PLCB1: variants seen among roughly 807,000 people sequenced by gnomAD.
PLCB1 encodes the protein phospholipase C beta 1.
In PLCB1, 46 loss-of-function variants were observed where a neutral mutation model predicts 161.8. That is an observed-to-expected ratio of 0.28 (90% CI 0.22 to 0.36). The LOEUF (loss-of-function observed/expected upper bound fraction) is 0.36. PLCB1 is among the 10% of genes least tolerant of loss of function. PLCB1 has a pLI of 1.00. For missense variants in PLCB1, 1,016 were observed against 1,472.5 expected, an observed-to-expected ratio of 0.69 and a Z score of 5.07; for synonymous variants, 517 against 503.7, an observed-to-expected ratio of 1.03 and a Z score of -0.35.
At chr20:8,792,850 A>AC in intron 31 of PLCB1, 1 of 339,574 alleles carries the variant, frequency 2.9e-6, no homozygotes, top group South Asian at 2.5e-5. Flanking sequence ...GCAGCAATAG[A>AC]CAGTAGAGTA....
At chr20:8,175,794 C>G (rs2123077564) in intron 2 of PLCB1, among the ~76,000 whole-genome samples, 1 of 151,896 alleles carries the variant, frequency 6.6e-6, no homozygotes, top group African/African-American at 2.4e-5. Context: ...CATAAAGGAC[C>G]TTCAAATTCA....
intron 2 of PLCB1, among the ~76,000 whole-genome samples, chr20:8,278,879 A>T (rs1035670631): frequency 6.6e-6 from 1 of 152,090 alleles, no homozygotes; most frequent in African/African-American, 2.4e-5. Flanking sequence ...CAGGCATAAG[A>T]ATGCTCTTCT....
chr20:8,198,971 C>T (rs560046471), intron 2 of PLCB1, among the ~76,000 whole-genome samples: 3 of 151,966 alleles, frequency 2.0e-5, no homozygotes, highest in South Asian at 2.1e-4. Context: ...CACACACACA[C>T]GGACCCATTA....
At chr20:8,572,260 A>G (rs1986546826) in intron 3 of PLCB1, among the ~76,000 whole-genome samples, 1 of 152,188 alleles carries the variant, frequency 6.6e-6, no homozygotes, top group South Asian at 2.1e-4. Flanking sequence ...TTCTTGATAC[A>G]TGAACACCCT....
At chr20:8,783,401 T>C (rs1432162945) in intron 27 of PLCB1, among the ~76,000 whole-genome samples, 3 of 152,246 alleles carry the variant, frequency 2.0e-5, no homozygotes, top group Non-Finnish European at 1.5e-5. Flanking sequence ...CTTGCCTTTA[T>C]GTTAGTCACA....
chr20:8,154,916 A>C (rs1041651220), intron 2 of PLCB1, among the ~76,000 whole-genome samples: 6 of 152,170 alleles, frequency 3.9e-5, no homozygotes, highest in African/African-American at 1.4e-4. Flanking sequence ...TTAAGTTTTC[A>C]TGTAGTTACA....
Position 8,862,066 on chromosome 20 carries a change from A to G in PLCB1, c.3424-19556A>G, listed in dbSNP as rs552760959. Among the ~76,000 whole-genome samples, 65 of 152,348 alleles carry G rather than the reference A, an allele frequency of 4.3e-4. 1 individual carries two copies. Among genetic ancestry groups the G allele is most frequent in the African/African-American group, 1.5e-3 (62 of 41,590 alleles). On this transcript the variant is annotated intron_variant, in intron 31 of 31. Coordinates refer to ENST00000338037, the MANE Select transcript of PLCB1 (RefSeq NM_015192.4). ...TATTATTTAATTATTATTTTAATGC[A>G]AAAGCTATTTTCTTAAGGATACTAT...
Position 8,132,782 on chromosome 20 carries a change from T to G in PLCB1, c.99+32T>G, listed in dbSNP as rs753397179. The G allele has an allele frequency of 6.8e-7, 1 of 1,467,586 alleles. No individual in the cohort carries two copies. The highest frequency in any genetic ancestry group is 9.5e-7 in the Non-Finnish European group (1 of 1,051,034). The allele number at this position is 1,467,586 out of a possible 1,614,324, so 90.9% of individuals were successfully genotyped here. A position where few individuals can be genotyped will look rare whatever the true frequency, so the allele number is the denominator to read the frequency against. On this transcript the variant is annotated intron_variant, in intron 1 of 31. Coordinates refer to ENST00000338037, the MANE Select transcript of PLCB1 (RefSeq NM_015192.4). The surrounding 1 kb of genome is among the most constrained non-coding windows in gnomAD (Gnocchi z 5.2). ...ATTGGGGCGGCCCGAGTCGGGGCGC[T>G]GGCTCGGGCACCGGGCAGGGCGGGC... is the stretch of plus-strand genomic sequence containing the variant.
chr20:8,284,802 C>G (rs1197429231), intron 2 of PLCB1, among the ~76,000 whole-genome samples: 1 of 152,012 alleles, frequency 6.6e-6, no homozygotes, highest in African/African-American at 2.4e-5. Context: ...TCTCTTGGGT[C>G]TGCTTGGCCT....
chr20:8,712,693 A>T (rs529192674), intron 12 of PLCB1, among the ~76,000 whole-genome samples: 1 of 152,344 alleles, frequency 6.6e-6, no homozygotes, highest in African/African-American at 2.4e-5. Flanking sequence ...TGGATTGCAG[A>T]TTCCTCCTTT....
rs565146201 is a variant in PLCB1 at position 8,188,285 on chromosome 20, C to A, written c.177+37914C>A. Among the ~76,000 whole-genome samples, 8 of 152,192 alleles carry A rather than the reference C, an allele frequency of 5.3e-5. No homozygotes were observed. The East Asian group carries it at 1.5e-3, about 29-fold the overall frequency. On this transcript the variant is annotated intron_variant, in intron 2 of 31. Coordinates refer to ENST00000338037, the MANE Select transcript of PLCB1 (RefSeq NM_015192.4). ...GTACTGTCCACTAACATTCCTTTGG[C>A]CAAAGCAAGTTACATGGCCAAGCCC...
At chr20:8,167,043 A>G (rs982856674) in intron 2 of PLCB1, among the ~76,000 whole-genome samples, 2 of 152,192 alleles carry the variant, frequency 1.3e-5, no homozygotes, top group African/African-American at 4.8e-5. Context: ...TAATGGGGAA[A>G]GTAACTTGTA....
chr20:8,627,488 A>G (rs1469969969), intron 3 of PLCB1, among the ~76,000 whole-genome samples: 1 of 152,132 alleles, frequency 6.6e-6, no homozygotes, highest in Non-Finnish European at 1.5e-5. Flanking sequence ...TGGCCAGCAA[A>G]TTTGCTAAGT....
intron 2 of PLCB1, among the ~76,000 whole-genome samples, chr20:8,347,158 A>G (rs1986025885): frequency 6.6e-6 from 1 of 152,226 alleles, no homozygotes; most frequent in Non-Finnish European, 1.5e-5. Context: ...AATTAAGAAT[A>G]TGCTGATTGA....
chr20:8,319,243 C>T (rs868700203), intron 2 of PLCB1, among the ~76,000 whole-genome samples: 7 of 152,080 alleles, frequency 4.6e-5, no homozygotes, highest in East Asian at 3.9e-4. Context: ...CAGTGGCTTA[C>T]GATAATAAGC....
intron 3 of PLCB1, among the ~76,000 whole-genome samples, chr20:8,587,100 T>A (rs1361127142): frequency 6.6e-6 from 1 of 152,170 alleles, no homozygotes; most frequent in African/African-American, 2.4e-5. Flanking sequence ...TAGGTTTGTG[T>A]AATTGTGCCA....
At chr20:8,313,163 A>G (rs950638010) in intron 2 of PLCB1, among the ~76,000 whole-genome samples, 1 of 152,232 alleles carries the variant, frequency 6.6e-6, no homozygotes, top group African/African-American at 2.4e-5. Flanking sequence ...AGATAACTAT[A>G]TCAATCACCT....
intron 2 of PLCB1, among the ~76,000 whole-genome samples, chr20:8,349,314 G>T (rs1986103148): frequency 6.6e-6 from 1 of 152,158 alleles, no homozygotes; most frequent in African/African-American, 2.4e-5. Context: ...AGAGTTTTAG[G>T]TTGATATCTC....
chr20:8,797,888 T>A (rs971442945), intron 31 of PLCB1, among the ~76,000 whole-genome samples: 5 of 152,238 alleles, frequency 3.3e-5, no homozygotes, highest in African/African-American at 1.2e-4. Context: ...TGTAGTTCTC[T>A]GGGTCTTTAA....
Sources: allele counts gnomAD v4.1 joint callset (sites outside exome capture counted in the v4.1 genomes callset), GRCh38; gene constraint gnomAD v4.1.1; non-coding constraint Gnocchi (gnomAD v3.1); transcripts MANE v1.5; gene names NCBI Gene and HGNC (gene_info 2026-07-23, HGNC 2026-07-21).